MCCC2: variants seen among roughly 807,000 people sequenced by gnomAD.
MCCC2 encodes methylcrotonoyl-CoA carboxylase beta chain, mitochondrial.
Under a neutral mutation model 77.2 loss-of-function variants are expected in MCCC2, and 52 were observed. That is an observed-to-expected ratio of 0.67 (90% confidence interval 0.54 to 0.85). The LOEUF (loss-of-function observed/expected upper bound fraction) is 0.85, where lower values mean the gene tolerates loss of function less well. MCCC2 is among the 40% of genes least tolerant of loss of function. MCCC2 has a pLI of 0.00. For missense variants in MCCC2, 682 were observed against 703.2 expected, an observed-to-expected ratio of 0.97 and a Z score of 0.34; for synonymous variants, 253 against 248.4, an observed-to-expected ratio of 1.02 and a Z score of -0.18.
Position 71,626,739 on chromosome 5 carries a change from G to A in MCCC2, c.724G>A (p.Ala242Thr). ...IVRKQGTIFL[A>T]GPPLVKAATG... The stretch of plus-strand genomic sequence containing the variant: ...ACGCAAGCAGGGTACCATTTTCTTG[G>A]CAGGACCCCCCTTGGTAAGAACATA... Residue 242 changes from alanine to threonine, a missense_variant, in exon 7 of 17, where the codon GCA (alanine) becomes ACA (threonine). Ala to Thr is a moderately conservative substitution (Grantham distance 58). Transcript: ENST00000340941. 1 of 1,614,114 alleles carries A rather than the reference G, an allele frequency of 6.2e-7. No homozygotes were observed. The highest frequency in any genetic ancestry group is 8.5e-7 in the Non-Finnish European group (1 of 1,180,016).
chr5:71,614,459 A>C (rs1746086992), intron 6 of MCCC2, among the ~76,000 whole-genome samples: 1 of 149,408 alleles, frequency 6.7e-6, no homozygotes, highest in African/African-American at 2.5e-5. Flanking sequence ...TGGCCAGCAT[A>C]GTGAGACCCC....
chr5:71,643,035 A>T (rs1483065543), intron 11 of MCCC2, among the ~76,000 whole-genome samples: 1 of 151,972 alleles, frequency 6.6e-6, no homozygotes, highest in Non-Finnish European at 1.5e-5. Flanking sequence ...GATGATTTTT[A>T]AAAAGTCATA....
At chr5:71,603,869 CT>C (rs1034128016) in intron 5 of MCCC2, among the ~76,000 whole-genome samples, 5 of 152,108 alleles carry the variant, frequency 3.3e-5, no homozygotes, top group Admixed American at 6.6e-5. Context: ...CATAGGATGG[CT>C]AGGAAACACA....
intron 8 of MCCC2, among the ~76,000 whole-genome samples, chr5:71,633,094 TATA>T (rs1746779409): frequency 4.7e-4 from 3 of 6,354 alleles, no homozygotes; most frequent in Admixed American, 1.4e-3. Flanking sequence ...TTCAGTTTTA[TATA>T]TATATATATA....
chr5:71,647,453 C>G (rs73122792), intron 13 of MCCC2, among the ~76,000 whole-genome samples: 20 of 152,244 alleles, frequency 1.3e-4, no homozygotes, highest in African/African-American at 3.1e-4. Context: ...CTAACTATAC[C>G]AGAGTTCTTG....
intron 5 of MCCC2, among the ~76,000 whole-genome samples, chr5:71,603,741 C>G (rs1215478142): frequency 6.6e-6 from 1 of 152,164 alleles, no homozygotes; most frequent in Non-Finnish European, 1.5e-5. Flanking sequence ...GTGCAACCAA[C>G]AAAAGACTTA....
At position 71,600,537 on chromosome 5, in the gene MCCC2, T is replaced by C. The variant is rs1745385907; in HGVS notation, c.383+777T>C. Among the ~76,000 whole-genome samples the C allele has an allele frequency of 2.6e-5, 4 of 152,134 alleles. No individual in the cohort carries two copies. The South Asian group carries it at 8.3e-4, about 31-fold the overall frequency. ...AACTCCTGGCATCAAATGATCTTCC[T>C]GCCTTGGCCTCCCAAAGTGCTGGGA... On this transcript the variant is annotated intron_variant, in intron 4 of 16. Coordinates refer to ENST00000340941, the MANE Select transcript of MCCC2 (RefSeq NM_022132.5).
chr5:71,603,583 A>G (rs1258443959), intron 5 of MCCC2, among the ~76,000 whole-genome samples: 1 of 152,152 alleles, frequency 6.6e-6, no homozygotes, highest in African/African-American at 2.4e-5. Context: ...TTAACTCACA[A>G]TACGAACTGC....
chr5:71,608,354 C>T (rs553674224), intron 6 of MCCC2, among the ~76,000 whole-genome samples: 2 of 112,946 alleles, frequency 1.8e-5, no homozygotes, highest in South Asian at 7.0e-4. Flanking sequence ...CTCTTTTGAT[C>T]TTTGTTGGTT....
intron 16 of MCCC2, among the ~76,000 whole-genome samples, 175 bp from the exon 17 acceptor site, chr5:71,656,568 G>A (rs750376175): frequency 1.3e-5 from 2 of 152,070 alleles, no homozygotes; most frequent in African/African-American, 2.4e-5. Flanking sequence ...TTTTTTCCAC[G>A]TTTTCCCCCT....
chr5:71,594,986 C>T (rs1046793282), intron 2 of MCCC2, among the ~76,000 whole-genome samples: 5 of 10,848 alleles, frequency 4.6e-4, no homozygotes, highest in Non-Finnish European at 7.5e-4. Flanking sequence ...ACAACCTTGG[C>T]CCCCCGGGTT....
At chr5:71,637,237 A>G (rs914962213) in intron 10 of MCCC2, among the ~76,000 whole-genome samples, 2 of 152,172 alleles carry the variant, frequency 1.3e-5, no homozygotes, top group Admixed American at 6.5e-5. Context: ...AGAGTCAACA[A>G]TTGTTAGAAC....
At chr5:71,602,424 T>A in intron 4 of MCCC2, 82 bp from the exon 5 acceptor site, 1 of 1,562,366 alleles carries the variant, frequency 6.4e-7, no homozygotes, top group Non-Finnish European at 8.8e-7. Flanking sequence ...TTGAAGGTTG[T>A]ATTGGGGTAT....
intron 1 of MCCC2, among the ~76,000 whole-genome samples, chr5:71,589,687 G>A (rs1322097021): frequency 1.3e-5 from 2 of 152,168 alleles, no homozygotes; most frequent in Non-Finnish European, 2.9e-5. Flanking sequence ...ACTATAATAA[G>A]TAATAATAAT....
At chr5:71,639,807 A>G (rs1747060534) in intron 10 of MCCC2, among the ~76,000 whole-genome samples, 2 of 152,236 alleles carry the variant, frequency 1.3e-5, no homozygotes, top group African/African-American at 4.8e-5. Context: ...ATAGCACCCA[A>G]AACAGATAAC....
chr5:71,618,494 TTCC>T (rs1746247369), intron 6 of MCCC2, among the ~76,000 whole-genome samples: 1 of 13,616 alleles, frequency 7.3e-5, no homozygotes, highest in Non-Finnish European at 1.8e-4. Flanking sequence ...TCCTTCTTCC[TTCC>T]TTCCTTCCTT....
At chr5:71,612,748 A>G (rs889732520) in intron 6 of MCCC2, among the ~76,000 whole-genome samples, 5 of 152,216 alleles carry the variant, frequency 3.3e-5, no homozygotes, top group Non-Finnish European at 5.9e-5. Flanking sequence ...AGCAACAGCA[A>G]TTTATGTATT....
intron 10 of MCCC2, among the ~76,000 whole-genome samples, chr5:71,639,748 T>C (rs1337012901): frequency 6.6e-6 from 1 of 152,236 alleles, no homozygotes; most frequent in Non-Finnish European, 1.5e-5. Flanking sequence ...GGAAGAATGA[T>C]AGTTGTTACG....
chr5:71,647,262 G>A (rs1747296365), intron 13 of MCCC2, among the ~76,000 whole-genome samples: 1 of 152,156 alleles, frequency 6.6e-6, no homozygotes. Context: ...GAAGAGTCAG[G>A]CTCTTGGCAG....
Sources: allele counts gnomAD v4.1 joint callset (sites outside exome capture counted in the v4.1 genomes callset), GRCh38; gene constraint gnomAD v4.1.1; transcripts MANE v1.5; gene names NCBI Gene and HGNC (gene_info 2026-07-23, HGNC 2026-07-21).